Variants in USP53 observed in about 807,000 individuals in gnomAD.
The protein encoded by USP53 is ubiquitin carboxyl-terminal hydrolase 53.
In USP53, 71 loss-of-function variants were observed where a neutral mutation model predicts 94.9. That is an observed-to-expected ratio of 0.75 (90% CI 0.62 to 0.91). The LOEUF is 0.91. Among genes scored for constraint, USP53 ranks in the 40% least tolerant of loss-of-function variants. The probability of loss-of-function intolerance (pLI) is 0.00; values close to 1 mark genes in which losing one functional copy is unlikely to be tolerated. For synonymous variants in USP53, 375 were observed against 422.7 expected (o/e 0.89, Z 1.39); for missense variants, 1,173 against 1,281.0 (o/e 0.92, Z 1.29).
chr4:119,253,822 T>A (rs1196069752), intron 7 of USP53, among the ~76,000 whole-genome samples: 1 of 152,252 alleles, frequency 6.6e-6, no homozygotes, highest in Non-Finnish European at 1.5e-5. Context: ...GTCAATGGTC[T>A]TTAAATTTGG....
chr4:119,236,584 C>T (rs1746791380), intron 4 of USP53, among the ~76,000 whole-genome samples: 1 of 152,200 alleles, frequency 6.6e-6, no homozygotes, highest in Non-Finnish European at 1.5e-5. Flanking sequence ...GTTGTCATTT[C>T]AACAATGTGC....
chr4:119,255,751 TGC>T (rs1303587615), intron 7 of USP53, among the ~76,000 whole-genome samples: 1 of 152,222 alleles, frequency 6.6e-6, no homozygotes, highest in Non-Finnish European at 1.5e-5. Context: ...CTCCGTGGGC[TGC>T]ACTCACTGTC....
chr4:119,292,338 A>G lies in USP53; in HGVS notation c.2349A>G (p.Arg783=), dbSNP rs370258754. The G allele has an allele frequency of 8.3e-6, 13 of 1,573,250 alleles. No individual in the cohort carries two copies. The African/African-American group carries it at 1.6e-4, about 20-fold the overall frequency. ...HLQIKNHLIK[R]SHVHEDNGKL... ...CTTTGTTTTTATTTTCATATTTCAG[A>G]TCACATGTACATGAAGACAATGGAA... Residue 783 remains arginine (R), a splice_region_variant and synonymous_variant, in exon 19 of 19, where the codon AGA becomes AGG. Coordinates refer to ENST00000692078, the MANE Select transcript of USP53 (RefSeq NM_001371395.1).
Position 119,214,181 on chromosome 4 carries a change from T to C in USP53, c.-830T>C, listed in dbSNP as rs1743376500. ...TACTCTGCAAAAGTAATATATGATT[T>C]ACCTGCTGTTGTCATAAGAATTCCA... On this transcript the variant is annotated 5_prime_UTR_variant, in exon 2 of 19. Coordinates refer to ENST00000692078, the MANE Select transcript of USP53 (RefSeq NM_001371395.1). 6.6e-6 allele frequency: 1 copy of C among 151,898 alleles called. No individual in the cohort carries two copies. Among genetic ancestry groups the C allele is most frequent in the African/African-American group, 2.4e-5 (1 of 41,386 alleles). 9.4% of individuals were successfully genotyped at this position (151,898 alleles called of 1,614,324 possible).
intron 7 of USP53, 78 bp downstream of exon 7, chr4:119,248,960 G>A: frequency 1.9e-6 from 3 of 1,539,524 alleles, no homozygotes; most frequent in Non-Finnish European, 2.6e-6. Context: ...TGAGACAAAT[G>A]AAACAAAAAT....
chr4:119,260,557 A>G lies in USP53; in HGVS notation c.726A>G (p.Pro242=). Residue 242 remains proline (P), a synonymous_variant, in exon 11 of 19, where the codon CCA becomes CCG. Coordinates refer to ENST00000692078, the MANE Select transcript of USP53 (RefSeq NM_001371395.1). ...TTCGCCGTGTTTTAATGAATTGCCC[A>G]GAGATTGTTACAATTGGTTTAGTCT... is the stretch of plus-strand genomic sequence containing the variant. ...IKIRRVLMNC[P]EIVTIGLVWD... is the part of the protein sequence containing the mutation. 1.9e-6 allele frequency: 3 copies of G among 1,614,008 alleles called. No homozygotes were observed. Among genetic ancestry groups the G allele is most frequent in the Non-Finnish European group, 1.7e-6 (2 of 1,179,922 alleles).
chr4:119,258,109 T>A (rs1016998286), intron 9 of USP53, among the ~76,000 whole-genome samples: 3 of 152,246 alleles, frequency 2.0e-5, no homozygotes, highest in Admixed American at 2.0e-4. Flanking sequence ...TTGCTTTTAA[T>A]CTTAACCAAA....
intron 16 of USP53, chr4:119,273,405 A>C (rs1752123855): frequency 2.6e-6 from 1 of 384,860 alleles, no homozygotes; most frequent in Non-Finnish European, 4.8e-6. Context: ...GGACTTTATA[A>C]CCAGATAGAC....
intron 7 of USP53, among the ~76,000 whole-genome samples, chr4:119,254,425 A>C (rs1309744633): frequency 6.6e-6 from 1 of 152,106 alleles, no homozygotes; most frequent in Non-Finnish European, 1.5e-5. Context: ...GTTTCTTTTC[A>C]GTCTTTTTTG....
chr4:119,292,896 A>C lies in USP53; in HGVS notation c.2907A>C (p.Pro969=). Reference sequence around the variant, plus strand: ...ACAGTTTAAGTACAGCTTCAGAACCAAGTTTAGAAGTGAGTACACATATGA... The same window carrying C: ...ACAGTTTAAGTACAGCTTCAGAACCCAGTTTAGAAGTGAGTACACATATGA... ...PKHSLSTASE[P]SLEVSTHMND... The change falls in exon 19 of 19, where the codon CCA becomes CCC. Residue 969 remains proline, a synonymous_variant. Coordinates refer to ENST00000692078, the MANE Select transcript of USP53 (RefSeq NM_001371395.1). The C allele has an allele frequency of 6.2e-7, 1 of 1,614,116 alleles. No individual in the cohort carries two copies. The highest frequency in any genetic ancestry group is 8.5e-7 in the Non-Finnish European group (1 of 1,179,968).
At chr4:119,266,721 T>TC (rs936605299) in intron 12 of USP53, among the ~76,000 whole-genome samples, 32 of 152,184 alleles carry the variant, frequency 2.1e-4, no homozygotes, top group Non-Finnish European at 2.1e-4. Context: ...TTATTTTTTT[T>TC]CAATTTCTTA....
intron 12 of USP53, among the ~76,000 whole-genome samples, chr4:119,264,006 AG>A (rs2149395701): frequency 6.6e-6 from 1 of 152,328 alleles, no homozygotes; most frequent in Non-Finnish European, 1.5e-5. Flanking sequence ...CAGAGGTTGC[AG>A]TGAGCCGAGA....
At chr4:119,252,581 C>T (rs1247527450) in intron 7 of USP53, among the ~76,000 whole-genome samples, 1 of 152,002 alleles carries the variant, frequency 6.6e-6, no homozygotes, top group Non-Finnish European at 1.5e-5. Flanking sequence ...GTGGTGATAT[C>T]CCTTTATGAT....
intron 3 of USP53, among the ~76,000 whole-genome samples, chr4:119,226,573 C>G (rs768305574): frequency 2.6e-5 from 4 of 152,010 alleles, no homozygotes; most frequent in Non-Finnish European, 5.9e-5. Context: ...ATAACCTGTA[C>G]ACCTAAATTA....
At chr4:119,259,324 C>T (rs949006674) in intron 9 of USP53, among the ~76,000 whole-genome samples, 3 of 147,788 alleles carry the variant, frequency 2.0e-5, no homozygotes, top group African/African-American at 7.5e-5. Flanking sequence ...AAAATAAGAA[C>T]AAAAGGAGTA....
At chr4:119,291,021 A>T (rs922508543) in intron 17 of USP53, 144 bp from the exon 18 acceptor site, 1 of 525,556 alleles carries the variant, frequency 1.9e-6, no homozygotes, top group Non-Finnish European at 3.3e-6. Flanking sequence ...GGTCTTAAAG[A>T]ATTCATTTTT....
At chr4:119,221,136 G>A (rs1317663325) in intron 3 of USP53, 3 of 152,140 alleles carry the variant, frequency 2.0e-5, no homozygotes, top group Admixed American at 2.0e-4. Context: ...AGTTGAAAAA[G>A]AACATGGAAT....
chr4:119,267,526 C>A (rs1751303759), intron 13 of USP53, 44 bp downstream of exon 13: 1 of 1,571,038 alleles, frequency 6.4e-7, no homozygotes, highest in Admixed American at 1.8e-5. Context: ...TCTATTATCA[C>A]AGTCAACTAG....
At chr4:119,286,174 G>A (rs1754088756) in intron 17 of USP53, among the ~76,000 whole-genome samples, 1 of 151,410 alleles carries the variant, frequency 6.6e-6, no homozygotes, top group African/African-American at 2.4e-5. Context: ...TATTTTTATT[G>A]TAAATTCAGT....
Sources: allele counts gnomAD v4.1 joint callset (sites outside exome capture counted in the v4.1 genomes callset), GRCh38; gene constraint gnomAD v4.1.1; transcripts MANE v1.5; gene names NCBI Gene and HGNC (gene_info 2026-07-23, HGNC 2026-07-21).